Variants in KIF26B observed in about 807,000 individuals in gnomAD.
KIF26B encodes the protein kinesin-like protein KIF26B.
Under a neutral mutation model 151.2 loss-of-function variants are expected in KIF26B, and 63 were observed. The observed-to-expected ratio is 0.42, with a 90% confidence interval of 0.34 to 0.51. The LOEUF is 0.51. KIF26B is among the 20% of genes least tolerant of loss of function. KIF26B has a pLI of 0.07. For missense variants in KIF26B, 2,813 were observed against 2,913.6 expected (o/e 0.97, Z 0.79); for synonymous variants, 1,357 against 1,262.1 (o/e 1.08, Z -1.59).
intron 2 of KIF26B, among the ~76,000 whole-genome samples, chr1:245,192,055 G>A (rs1029904457): frequency 6.6e-6 from 1 of 152,016 alleles, no homozygotes; most frequent in Non-Finnish European, 1.5e-5. Flanking sequence ...ATCTTAAGGG[G>A]ATAATCCTAA....
intron 7 of KIF26B, 57 bp from the exon 8 acceptor site, chr1:245,609,208 TC>T: frequency 6.7e-7 from 1 of 1,488,188 alleles, no homozygotes; most frequent in Non-Finnish European, 9.0e-7. Flanking sequence ...TTTTGGAGAC[TC>T]CGTGGAATGA....
intron 5 of KIF26B, among the ~76,000 whole-genome samples, chr1:245,541,395 G>T (rs1661618863): frequency 6.6e-6 from 1 of 152,160 alleles, no homozygotes; most frequent in South Asian, 2.1e-4. Context: ...CCCACTGAGG[G>T]GATTGTGAGG....
intron 10 of KIF26B, among the ~76,000 whole-genome samples, chr1:245,655,354 C>T (rs2044061916): frequency 6.6e-6 from 1 of 152,206 alleles, no homozygotes; most frequent in African/African-American, 2.4e-5. Flanking sequence ...TCGTGTAACC[C>T]ACGTGGTTCT....
chr1:245,508,555 C>T (rs1660770772), intron 4 of KIF26B, among the ~76,000 whole-genome samples: 1 of 151,644 alleles, frequency 6.6e-6, no homozygotes, highest in Non-Finnish European at 1.5e-5. Flanking sequence ...TTTTTTAAGC[C>T]AAGTAGATGG....
intron 5 of KIF26B, among the ~76,000 whole-genome samples, chr1:245,557,764 G>A (rs2103114071): frequency 6.6e-6 from 1 of 152,284 alleles, no homozygotes; most frequent in East Asian, 1.9e-4. Flanking sequence ...AAGAAGCACA[G>A]GTGAGCTACA....
At chr1:245,537,385 A>G (rs1661511965) in intron 4 of KIF26B, among the ~76,000 whole-genome samples, 1 of 152,230 alleles carries the variant, frequency 6.6e-6, no homozygotes, top group Non-Finnish European at 1.5e-5. Flanking sequence ...GGCCACTGCA[A>G]GTACTTTGGC....
At chr1:245,583,919 G>A (rs981419219) in intron 5 of KIF26B, among the ~76,000 whole-genome samples, 7 of 152,078 alleles carry the variant, frequency 4.6e-5, no homozygotes, top group African/African-American at 7.3e-5. Flanking sequence ...GCAGTTCACC[G>A]TTCACAGTTC....
rs1483814831 is a variant in KIF26B, at chr1:245,687,601, G to A, written c.4618G>A (p.Ala1540Thr). ...CGTCAAGTCCAGCAGCCTTCCCAGG[G>A]CCTTTCAGAAGGCCAGCCGGCAGGA... The part of the protein sequence containing the change: ...KSVKSSSLPR[A>T]FQKASRQEEP... Residue 1540 changes from alanine (A) to threonine (T), a missense_variant, in exon 12 of 15, where the codon GCC becomes ACC. Ala to Thr is a moderately conservative substitution (Grantham distance 58, BLOSUM62 0). Around this residue, in one of 3 missense-constraint regions of KIF26B, gnomAD observed 2,060 missense variants for 2,088.6 expected, o/e 0.99. Coordinates refer to ENST00000407071, the MANE Select transcript of KIF26B (RefSeq NM_018012.4). The surrounding 1 kb of genome is among the most constrained non-coding windows in gnomAD (Gnocchi z 4.9). 3 of 1,563,890 alleles carry A rather than the reference G, an allele frequency of 1.9e-6. No homozygotes were observed. Among genetic ancestry groups the A allele is most frequent in the Non-Finnish European group, 2.6e-6 (3 of 1,154,504 alleles).
intron 5 of KIF26B, among the ~76,000 whole-genome samples, chr1:245,568,012 C>T (rs1402040179): frequency 2.6e-5 from 4 of 151,544 alleles, no homozygotes; most frequent in Admixed American, 6.6e-5. Context: ...GGCAAAACCC[C>T]GTCTCTACTA....
intron 2 of KIF26B, among the ~76,000 whole-genome samples, chr1:245,173,680 A>T (rs532759102): frequency 6.6e-6 from 1 of 152,306 alleles, no homozygotes; most frequent in Middle Eastern, 3.4e-3. Flanking sequence ...GGCTCACTGC[A>T]GTCCCTTGGA....
intron 2 of KIF26B, among the ~76,000 whole-genome samples, chr1:245,163,850 G>A (rs138680372): frequency 7.9e-5 from 12 of 152,022 alleles, no homozygotes; most frequent in East Asian, 5.8e-4. Context: ...ATATCCCGTC[G>A]CCTTATTAAA....
rs1455405324 is a variant in KIF26B, at chr1:245,170,829, C to T, written c.465+14146C>T. ...AACATGATTTTGGGGAGAACATAAG[C>T]GTTCAGTCTGTTGCAGCAAGCATGA... On this transcript the variant is annotated intron_variant, in intron 2 of 14. Transcript: ENST00000407071. This position sits in a 1 kb window ranked among gnomAD's most constrained non-coding sequence, Gnocchi z 4.4. Among the ~76,000 whole-genome samples the T allele has an allele frequency of 6.6e-6, 1 of 152,150 alleles. No homozygotes were observed. Among genetic ancestry groups the T allele is most frequent in the Admixed American group, 6.5e-5 (1 of 15,274 alleles).
intron 5 of KIF26B, among the ~76,000 whole-genome samples, chr1:245,570,506 T>C (rs1441637002): frequency 6.6e-6 from 1 of 152,240 alleles, no homozygotes; most frequent in Non-Finnish European, 1.5e-5. Context: ...ACCTCCTTGA[T>C]GCCTCCCGTA....
intron 2 of KIF26B, among the ~76,000 whole-genome samples, chr1:245,322,549 A>C (rs1236637821): frequency 6.6e-6 from 1 of 152,194 alleles, no homozygotes. Context: ...TGGTTGATGG[A>C]AGAGACAGTA....
In KIF26B at chr1:245,244,479, C is replaced by A. The variant is rs150085240; in HGVS notation, c.465+87796C>A. Among the ~76,000 whole-genome samples, 1,002 of 152,172 alleles carry A rather than the reference C, an allele frequency of 6.6e-3. 13 individuals carry two copies. Among genetic ancestry groups the A allele is most frequent in the African/African-American group, 0.023 (950 of 41,510 alleles). On this transcript the variant is annotated intron_variant, in intron 2 of 14. Coordinates refer to ENST00000407071, the MANE Select transcript of KIF26B (RefSeq NM_018012.4). The surrounding 1 kb of genome is among the most constrained non-coding windows in gnomAD (Gnocchi z 4.2). ...GACTATGGGATGGCACTCTAAGCTT[C>A]AGCTGCAGTTGGGAAAGACTTTTGC...
intron 4 of KIF26B, among the ~76,000 whole-genome samples, chr1:245,451,415 T>C (rs115108201): frequency 0.032 from 4,917 of 151,984 alleles, 125 homozygotes; most frequent in Non-Finnish European, 0.05. Context: ...ATTTATTTAT[T>C]TCTGGTTGTC....
chr1:245,383,258 A>T (rs558379316), intron 3 of KIF26B, among the ~76,000 whole-genome samples: 4 of 152,204 alleles, frequency 2.6e-5, no homozygotes, highest in Non-Finnish European at 4.4e-5. Context: ...GGCATCCCTC[A>T]CGTCTGAACA....
rs916152660 is a variant in KIF26B at position 245,564,390 on chromosome 1, C to A, written c.1350+23440C>A. Among the ~76,000 whole-genome samples, 1 of 151,960 alleles carries A rather than the reference C, an allele frequency of 6.6e-6. No homozygotes were observed. The highest frequency in any genetic ancestry group is 1.5e-5 in the Non-Finnish European group (1 of 67,942). On this transcript the variant is annotated intron_variant, in intron 5 of 14. Coordinates refer to ENST00000407071, the MANE Select transcript of KIF26B (RefSeq NM_018012.4). The surrounding 1 kb of genome is among the most constrained non-coding windows in gnomAD (Gnocchi z 4.6). ...GACCTTTCCCGGAGCAGGAACGGGG[C>A]CACGGCCGTGTTTGCATTTTCTGAA... is the stretch of plus-strand genomic sequence containing the variant.
At chr1:245,651,543 C>T (rs558765234) in intron 10 of KIF26B, among the ~76,000 whole-genome samples, 7 of 152,270 alleles carry the variant, frequency 4.6e-5, no homozygotes, top group African/African-American at 1.4e-4. Flanking sequence ...GTCTGGGAAG[C>T]TGGGGAAAGG....
Sources: gnomAD v4.1 joint callset for allele counts (sites outside exome capture counted in the v4.1 genomes callset) on GRCh38, gnomAD v4.1.1 for gene constraint, gnomAD v4.1.1 regional missense constraint, Gnocchi (gnomAD v3.1) non-coding constraint, MANE v1.5 for transcripts, NCBI Gene and HGNC (gene_info 2026-07-23, HGNC 2026-07-21) for gene names.